NTRK3: variants seen among roughly 807,000 people sequenced by gnomAD.
NTRK3 encodes NT-3 growth factor receptor.
A neutral mutation model predicts 91.7 loss-of-function variants in NTRK3; 24 were observed. That is an observed-to-expected ratio of 0.26 (90% CI 0.19 to 0.37). The LOEUF (loss-of-function observed/expected upper bound fraction) is 0.37, where lower values mean the gene tolerates loss of function less well. Among genes scored for constraint, NTRK3 ranks in the 10% least tolerant of loss-of-function variants. The pLI is 1.00. For synonymous variants in NTRK3, 483 were observed against 404.0 expected, an observed-to-expected ratio of 1.20 and a Z score of -2.34; for missense variants, 880 against 1,068.9, an observed-to-expected ratio of 0.82 and a Z score of 2.46.
intron 18 of NTRK3, among the ~76,000 whole-genome samples, chr15:87,880,042 G>T (rs1787957392): frequency 6.6e-6 from 1 of 152,182 alleles, no homozygotes; most frequent in Non-Finnish European, 1.5e-5. Flanking sequence ...CATGACTTGA[G>T]TCTCAATTTA....
chr15:88,061,358 C>T lies in NTRK3; in HGVS notation c.1397-28313G>A, dbSNP rs577119560. Among the ~76,000 whole-genome samples the T allele has an allele frequency of 3.9e-5, 6 of 152,326 alleles. No homozygotes were observed. In the East Asian group the frequency reaches 5.8e-4, roughly 15 times the overall value. On this transcript the variant is annotated intron_variant, in intron 13 of 18. Transcript: ENST00000394480. The stretch of plus-strand genomic sequence containing the variant: ...GGGAGCCCTGCCACGGCCTCACTCC[C>T]GCCACTAAATGAATTGTCTACTTGA...
At chr15:87,942,472 G>T (rs549803402) in intron 14 of NTRK3, among the ~76,000 whole-genome samples, 4 of 152,082 alleles carry the variant, frequency 2.6e-5, no homozygotes, top group African/African-American at 9.7e-5. Context: ...GCCCTCTCTC[G>T]GGAGGCCACC....
intron 17 of NTRK3, among the ~76,000 whole-genome samples, chr15:87,901,989 T>G (rs897497496): frequency 1.3e-5 from 2 of 152,136 alleles, no homozygotes; most frequent in East Asian, 3.8e-4. Flanking sequence ...AATTGATAGG[T>G]TAGGGTGGCA....
chr15:88,218,741 T>A (rs530603499), intron 3 of NTRK3, among the ~76,000 whole-genome samples: 113 of 152,332 alleles, frequency 7.4e-4, no homozygotes, highest in African/African-American at 2.7e-3. Context: ...GAAAGCTCAA[T>A]GATGTCATCA....
chr15:88,027,069 C>T (rs79530996), intron 14 of NTRK3, among the ~76,000 whole-genome samples: 4,663 of 152,186 alleles, frequency 0.031, 86 homozygotes, highest in South Asian at 0.058. Flanking sequence ...AGGTTGCTTC[C>T]CTTACCTCCA....
chr15:87,963,757 A>G (rs2072526696), intron 14 of NTRK3, among the ~76,000 whole-genome samples: 1 of 152,162 alleles, frequency 6.6e-6, no homozygotes, highest in Non-Finnish European at 1.5e-5. Context: ...CCTCATGGTA[A>G]ATTGAGGAGC....
chr15:88,091,145 C>A (rs112428464), intron 13 of NTRK3, among the ~76,000 whole-genome samples: 1,886 of 152,176 alleles, frequency 0.012, 30 homozygotes, highest in African/African-American at 0.043. Flanking sequence ...ATTGGGAACC[C>A]GTTTTACTAC....
intron 3 of NTRK3, among the ~76,000 whole-genome samples, chr15:88,209,137 T>C (rs1339289388): frequency 6.6e-6 from 1 of 151,994 alleles, no homozygotes; most frequent in Non-Finnish European, 1.5e-5. Context: ...ATAGAGGAAA[T>C]GAGAGGAAAA....
chr15:87,932,005 G>T (rs1372504718), intron 16 of NTRK3, among the ~76,000 whole-genome samples: 6 of 152,186 alleles, frequency 3.9e-5, no homozygotes. Context: ...TGGGGCCTTG[G>T]GTTCCAAAGA....
At chr15:88,127,894 G>C (rs1380293180) in intron 11 of NTRK3, among the ~76,000 whole-genome samples, 1 of 152,110 alleles carries the variant, frequency 6.6e-6, no homozygotes, top group Non-Finnish European at 1.5e-5. Flanking sequence ...CCACCATCTA[G>C]AATCACCTCC....
exon 19 of NTRK3, chr15:87,871,134 AC>A (rs778066545): frequency 3.8e-4 from 88 of 230,558 alleles, no homozygotes; most frequent in Non-Finnish European, 5.7e-4. Context: ...TTGAAGGAAC[AC>A]CCCCCACCCC....
intron 5 of NTRK3, among the ~76,000 whole-genome samples, chr15:88,182,794 A>C (rs1397192594): frequency 1.3e-5 from 2 of 152,192 alleles, no homozygotes; most frequent in Non-Finnish European, 2.9e-5. Flanking sequence ...AGGAAGCATC[A>C]ACTCTTGTGA....
Position 87,867,347 on chromosome 15 carries a change from G to T in NTRK3, c.*9588C>A, listed in dbSNP as rs1196181335. The T allele has an allele frequency of 1.4e-4, 32 of 228,480 alleles. No individual in the cohort carries two copies. In the East Asian group the frequency reaches 2.0e-3, roughly 14 times the overall value. The allele number at this position is 228,480 out of a possible 1,614,324, so 14.2% of individuals were successfully genotyped here. A position where few individuals can be genotyped will look rare whatever the true frequency, so the allele number is the denominator to read the frequency against. On this transcript the variant is annotated 3_prime_UTR_variant, in exon 19 of 19. Coordinates refer to ENST00000394480, the Ensembl canonical transcript of NTRK3. ...CTGGCCTTAAAGGGTGGGGTGGGGA[G>T]CAGGGAATGGACAGCAAGTGTTCAG...
At chr15:87,991,490 C>G (rs1258603333) in intron 14 of NTRK3, among the ~76,000 whole-genome samples, 2 of 152,200 alleles carry the variant, frequency 1.3e-5, no homozygotes, top group African/African-American at 4.8e-5. Flanking sequence ...AGCCCTTTAT[C>G]TCCAGCACAA....
chr15:88,184,439 G>A (rs915608534), intron 3 of NTRK3, 140 bp from the exon 4 acceptor site: 2 of 830,404 alleles, frequency 2.4e-6, no homozygotes, highest in African/African-American at 3.4e-5. Flanking sequence ...ATAAATCTGA[G>A]CCTCAGTTTC....
intron 5 of NTRK3, among the ~76,000 whole-genome samples, chr15:88,179,531 G>T (rs1250648152): frequency 6.6e-6 from 1 of 152,224 alleles, no homozygotes. Context: ...GTGAAAGGAA[G>T]TACCATTGTT....
intron 17 of NTRK3, 43 bp from the exon 19 acceptor site, chr15:87,880,471 C>A (rs1221655560): frequency 1.9e-6 from 3 of 1,601,362 alleles, no homozygotes; most frequent in Admixed American, 1.7e-5. Flanking sequence ...GACCAGATGG[C>A]CAGAATGAGT....
exon 19 of NTRK3, chr15:87,863,614 G>C (rs2064583164): frequency 4.6e-6 from 1 of 219,756 alleles, no homozygotes; most frequent in African/African-American, 2.3e-5. Flanking sequence ...GCGTGCCAAA[G>C]TACTGATGTG....
chr15:88,196,075 A>G (rs2047791331), intron 3 of NTRK3, among the ~76,000 whole-genome samples: 1 of 152,220 alleles, frequency 6.6e-6, no homozygotes, highest in Non-Finnish European at 1.5e-5. Flanking sequence ...TGCATTGCAT[A>G]AAGACTTATG....
Sources: gnomAD v4.1 joint callset for allele counts (sites outside exome capture counted in the v4.1 genomes callset) on GRCh38, gnomAD v4.1.1 for gene constraint, MANE v1.5 for transcripts, NCBI Gene and HGNC (gene_info 2026-07-23, HGNC 2026-07-21) for gene names.